Variants in BTLA observed in about 807,000 individuals in gnomAD.
The protein encoded by BTLA is B and T lymphocyte associated.
Under a neutral mutation model 25.0 loss-of-function variants are expected in BTLA, and 11 were observed. The ratio of observed to expected loss-of-function variants is 0.44; its 90% CI spans 0.28 to 0.73. BTLA has a LOEUF of 0.73. Ranked by LOEUF, BTLA falls within the 30% of genes least tolerant of loss-of-function variation. The pLI is 0.15. For missense variants in BTLA, 282 were observed against 332.8 expected (o/e 0.85, Z 1.19); for synonymous variants, 104 against 119.8 (o/e 0.87, Z 0.86).
chr3:112,470,742 CAT>C (rs765328979), intron 3 of BTLA, among the ~76,000 whole-genome samples: 2 of 152,182 alleles, frequency 1.3e-5, no homozygotes, highest in African/African-American at 2.4e-5. Context: ...AAAATACAGA[CAT>C]ATTAATTTTC....
At chr3:112,497,441 G>A (rs537966156) in intron 1 of BTLA, among the ~76,000 whole-genome samples, 3 of 152,182 alleles carry the variant, frequency 2.0e-5, no homozygotes, top group Non-Finnish European at 4.4e-5. Context: ...TTTTGCAAAT[G>A]CTAGGTTGCA....
Position 112,466,141 on chromosome 3 carries a change from T to C in BTLA, c.837A>G (p.Pro279=). 2 of 1,608,170 alleles carry C rather than the reference T, an allele frequency of 1.2e-6. No individual in the cohort carries two copies. The highest frequency in any genetic ancestry group is 1.7e-6 in the Non-Finnish European group (2 of 1,175,364). ...TCACACATATGGATGCATATTCTGT[T>C]GGTGCTTCTTTTACATTTCTTGCCA... ...SRLARNVKEA[P]TEYASICVRS The change falls in exon 5 of 5, where the codon CCA becomes CCG. Residue 279 remains proline (P), a synonymous_variant. Transcript: ENST00000334529.
rs565985520 is a variant in BTLA, at chr3:112,465,379, C to T, written c.*729G>A. The T allele has an allele frequency of 3.9e-4, 59 of 152,734 alleles. No individual in the cohort carries two copies. Among genetic ancestry groups the T allele is most frequent in the African/African-American group, 1.4e-3 (58 of 41,566 alleles). The allele number at this position is 152,734 out of a possible 1,614,324, so 9.5% of individuals were successfully genotyped here. On this transcript the variant is annotated 3_prime_UTR_variant, in exon 5 of 5. Coordinates refer to ENST00000334529, the MANE Select transcript of BTLA (RefSeq NM_181780.4). ...TTATGTCACATTCCTATCCATTAGT[C>T]TATGTGACCCAGTGAGTCTCTACTT...
intron 1 of BTLA, among the ~76,000 whole-genome samples, chr3:112,486,919 A>G (rs757588710): frequency 6.6e-6 from 1 of 152,110 alleles, no homozygotes; most frequent in Non-Finnish European, 1.5e-5. Context: ...TCTCTGTGGT[A>G]TTATTGTTTA....
intron 1 of BTLA, among the ~76,000 whole-genome samples, chr3:112,498,568 CTTTTTTTTTTT>C (rs34606026): frequency 6.0e-5 from 5 of 83,880 alleles, no homozygotes; most frequent in Admixed American, 3.0e-4. Context: ...AAGAAATTGC[CTTTTTTTTTTT>C]TTTTTTTTTT....
intron 1 of BTLA, among the ~76,000 whole-genome samples, chr3:112,486,346 AT>A (rs2082347851): frequency 6.6e-6 from 1 of 152,204 alleles, no homozygotes. Context: ...ACATAAAAAT[AT>A]TTTCAGAAAT....
chr3:112,494,053 T>C, intron 1 of BTLA, among the ~76,000 whole-genome samples: 1 of 151,970 alleles, frequency 6.6e-6, no homozygotes, highest in South Asian at 2.1e-4. Flanking sequence ...GAGCTTGCAG[T>C]GAGCGGAGAT....
intron 1 of BTLA, among the ~76,000 whole-genome samples, chr3:112,497,754 A>T (rs945408329): frequency 6.6e-6 from 1 of 152,206 alleles, no homozygotes; most frequent in Admixed American, 6.5e-5. Flanking sequence ...TCATAGAGAC[A>T]TATTCCAAAC....
At chr3:112,481,832 AT>A (rs916225473) in intron 1 of BTLA, among the ~76,000 whole-genome samples, 4 of 152,054 alleles carry the variant, frequency 2.6e-5, no homozygotes, top group African/African-American at 7.2e-5. Flanking sequence ...TTTTTAAGTC[AT>A]TTTTTTCCCT....
In BTLA at chr3:112,499,426, CAG is replaced by C; in HGVS notation, c.-70_-69del. The C allele has an allele frequency of 7.2e-7, 1 of 1,382,122 alleles. No individual in the cohort carries two copies. The highest frequency in any genetic ancestry group is 1.3e-5 in the South Asian group (1 of 77,558). 85.6% of individuals were successfully genotyped at this position (1,382,122 alleles called of 1,614,324 possible). A position where few individuals can be genotyped will look rare whatever the true frequency, so the allele number is the denominator to read the frequency against. On this transcript the variant is annotated 5_prime_UTR_variant, in exon 1 of 5. Transcript: ENST00000334529. ...GCTTTGCTTCGTCTTCTGAGTGCTG[CAG>C]AGTTGGGTCAGTTTACCTACCCCAG... is the stretch of plus-strand genomic sequence containing the variant.
intron 2 of BTLA, among the ~76,000 whole-genome samples, chr3:112,478,884 A>C (rs571713005): frequency 1.6e-3 from 242 of 152,288 alleles, no homozygotes; most frequent in Admixed American, 3.8e-3. Flanking sequence ...AAAGCATATT[A>C]AAGGCCTCTT....
chr3:112,471,121 A>G, intron 3 of BTLA, 91 bp downstream of exon 3: 1 of 1,391,586 alleles, frequency 7.2e-7, no homozygotes, highest in Non-Finnish European at 9.7e-7. Context: ...GGGAAAGAAA[A>G]CAACAGGAAG....
At chr3:112,467,377 A>G (rs191126469) in intron 4 of BTLA, among the ~76,000 whole-genome samples, 9 of 152,226 alleles carry the variant, frequency 5.9e-5, no homozygotes, top group African/African-American at 1.7e-4. Context: ...TCAGTTATTT[A>G]TTAGCCGCTC....
intron 2 of BTLA, among the ~76,000 whole-genome samples, chr3:112,472,750 T>C (rs1435674566): frequency 6.6e-6 from 1 of 152,256 alleles, no homozygotes; most frequent in East Asian, 1.9e-4. Flanking sequence ...GGCTAGATGC[T>C]TAGGTTTGGG....
At chr3:112,496,095 C>CATT (rs752584457) in intron 1 of BTLA, among the ~76,000 whole-genome samples, 4 of 152,158 alleles carry the variant, frequency 2.6e-5, no homozygotes, top group Non-Finnish European at 5.9e-5. Context: ...GATACCCAGA[C>CATT]ATTAACTGCA....
At chr3:112,480,650 C>T (rs532293477) in intron 1 of BTLA, among the ~76,000 whole-genome samples, 157 of 152,272 alleles carry the variant, frequency 1.0e-3, no homozygotes, top group Middle Eastern at 3.4e-3. Flanking sequence ...TGCCTACTCC[C>T]GTGATAACGA....
intron 2 of BTLA, 99 bp downstream of exon 2, chr3:112,479,356 G>A (rs2082305469): frequency 2.7e-6 from 3 of 1,100,574 alleles, no homozygotes; most frequent in Non-Finnish European, 4.0e-6. Context: ...TGTGCTATAG[G>A]AGTTGGCTTT....
upstream of BTLA, chr3:112,499,604 G>T (rs1338227626): frequency 2.4e-6 from 1 of 416,444 alleles, no homozygotes; most frequent in Non-Finnish European, 4.3e-6. Flanking sequence ...TTGTCAGGTT[G>T]GCTGTTCACT....
At chr3:112,468,800 A>C (rs1406052277) in intron 4 of BTLA, among the ~76,000 whole-genome samples, 1 of 152,188 alleles carries the variant, frequency 6.6e-6, no homozygotes, top group Non-Finnish European at 1.5e-5. Flanking sequence ...CACAGTGCCT[A>C]CTGATGCTAA....
Sources: allele counts gnomAD v4.1 joint callset (sites outside exome capture counted in the v4.1 genomes callset), GRCh38; gene constraint gnomAD v4.1.1; transcripts MANE v1.5; gene names NCBI Gene and HGNC (gene_info 2026-07-23, HGNC 2026-07-21).